AGAP3: variants seen among roughly 807,000 people sequenced by gnomAD.
AGAP3 encodes ArfGAP with GTPase domain, ankyrin repeat and PH domain 3.
A neutral mutation model predicts 96.9 loss-of-function variants in AGAP3; 24 were observed. The ratio of observed to expected loss-of-function variants is 0.25; its 90% confidence interval spans 0.18 to 0.35. The LOEUF is 0.35. Among genes scored for constraint, AGAP3 ranks in the 10% least tolerant of loss-of-function variants. AGAP3 has a pLI of 1.00. For synonymous variants in AGAP3, 563 were observed against 536.1 expected, an observed-to-expected ratio of 1.05 and a Z score of -0.69; for missense variants, 876 against 1,254.2, an observed-to-expected ratio of 0.70 and a Z score of 4.55.
At chr7:151,105,446 A>T (rs1398586431) in intron 1 of AGAP3, among the ~76,000 whole-genome samples, 1 of 152,080 alleles carries the variant, frequency 6.6e-6, no homozygotes, top group Admixed American at 6.6e-5. Flanking sequence ...ACAAATTTGT[A>T]TCTGACTTTT....
At position 151,140,712 on chromosome 7, in the gene AGAP3, T is replaced by C. The variant is rs1800782954; in HGVS notation, c.1804+596T>C. ...TCATAATTTCTCACTTCTGCTCTAA[T>C]CATCAGGGTAGACGTATGGGTCAGG... On this transcript the variant is annotated intron_variant, in intron 13 of 17. Coordinates refer to ENST00000397238, the MANE Select transcript of AGAP3 (RefSeq NM_031946.7). This position sits in a 1 kb window ranked among gnomAD's most constrained non-coding sequence, Gnocchi z 5.4. 1 of 152,220 alleles carries C rather than the reference T, an allele frequency of 6.6e-6. No homozygotes were observed. The highest frequency in any genetic ancestry group is 6.5e-5 in the Admixed American group (1 of 15,286). 9.4% of individuals were successfully genotyped at this position (152,220 alleles called of 1,614,324 possible).
intron 1 of AGAP3, chr7:151,116,457 T>A (rs1799587849): frequency 1.8e-5 from 7 of 379,606 alleles, no homozygotes; most frequent in Non-Finnish European, 3.4e-5. Flanking sequence ...GCCTGGTATT[T>A]GGGCCACAGG....
chr7:151,097,266 C>G (rs1191178726), intron 1 of AGAP3, among the ~76,000 whole-genome samples: 1 of 151,890 alleles, frequency 6.6e-6, no homozygotes, highest in East Asian at 1.9e-4. Context: ...CACTGTGGCT[C>G]ACACCTGTAA....
At chr7:151,095,928 G>T (rs1034820149) in intron 1 of AGAP3, among the ~76,000 whole-genome samples, 1 of 151,958 alleles carries the variant, frequency 6.6e-6, no homozygotes, top group African/African-American at 2.4e-5. Context: ...ATAGAATAGA[G>T]GTTAAGCACC....
At chr7:151,120,855 C>T (rs769450501) in intron 8 of AGAP3, 261 of 1,152,330 alleles carry the variant, frequency 2.3e-4, no homozygotes, top group Non-Finnish European at 2.7e-4. Context: ...GCTCTCAGGC[C>T]CCAGGGCCTG....
At chr7:151,117,258 G>GT (rs1799636306) in intron 3 of AGAP3, 76 bp downstream of exon 3, 1 of 1,585,838 alleles carries the variant, frequency 6.3e-7, no homozygotes, top group Non-Finnish European at 8.6e-7. Context: ...CTGGGTGGGG[G>GT]GTCTCCAGCC....
At chr7:151,138,404 G>A in intron 12 of AGAP3, 91 bp downstream of exon 12, 1 of 1,414,244 alleles carries the variant, frequency 7.1e-7, no homozygotes, top group Non-Finnish European at 9.5e-7. Context: ...TTGGGAGGCT[G>A]CAGTGGGACA....
In AGAP3 at chr7:151,141,669, A is replaced by G; in HGVS notation, c.1805-229A>G. 1.8e-6 allele frequency: 1 copy of G among 566,724 alleles called. No individual in the cohort carries two copies. Among genetic ancestry groups the G allele is most frequent in the Non-Finnish European group, 3.2e-6 (1 of 316,838 alleles). The allele number at this position is 566,724 out of a possible 1,614,324, so 35.1% of individuals were successfully genotyped here. A position where few individuals can be genotyped will look rare whatever the true frequency, so the allele number is the denominator to read the frequency against. ...TGCATCCCCCATCTGTTTTCACTTAAGCTCCACAGGTGGTTAGGAATGAGA... is the reference window on the plus strand; with the variant it reads ...TGCATCCCCCATCTGTTTTCACTTAGGCTCCACAGGTGGTTAGGAATGAGA... On this transcript the variant is annotated intron_variant, in intron 13 of 17. Coordinates refer to ENST00000397238, the MANE Select transcript of AGAP3 (RefSeq NM_031946.7). The surrounding 1 kb of genome is among the most constrained non-coding windows in gnomAD (Gnocchi z 4.2).
chr7:151,127,499 A>G (rs1010139110), intron 9 of AGAP3, among the ~76,000 whole-genome samples: 5 of 151,446 alleles, frequency 3.3e-5, no homozygotes, highest in East Asian at 1.9e-4. Flanking sequence ...CCCCTATGCT[A>G]TTTTTGCCTT....
Position 151,119,975 on chromosome 7 carries a change from C to T in AGAP3, c.970-12C>T, listed in dbSNP as rs1308173568. ...ACCCGGAGCTGCCCTCAGCAGCCCT[C>T]TTTGTCCTTAGGCCACGAATGGCGG... On this transcript the variant is annotated splice_polypyrimidine_tract_variant and intron_variant, in intron 7 of 17. Transcript: ENST00000397238. 4 of 1,613,224 alleles carry T rather than the reference C, an allele frequency of 2.5e-6. No individual in the cohort carries two copies. Among genetic ancestry groups the T allele is most frequent in the Admixed American group, 3.3e-5 (2 of 59,966 alleles).
rs549783725 is a variant in AGAP3, at chr7:151,091,166, T to C, written c.331+4094T>C. ...GGGCACTCCCTGGCCGGGCCCTGCATTCCGCCGTGGGCCCTGCTGCACCAC... is the reference window on the plus strand; with the variant it reads ...GGGCACTCCCTGGCCGGGCCCTGCACTCCGCCGTGGGCCCTGCTGCACCAC... On this transcript the variant is annotated intron_variant, in intron 1 of 17. Transcript: ENST00000397238. 3.3e-5 allele frequency among the ~76,000 whole-genome samples: 5 copies of C among 152,312 alleles called. No homozygotes were observed. The South Asian group carries it at 8.3e-4, about 25-fold the overall frequency.
At chr7:151,131,313 T>C (rs1039864683) in intron 10 of AGAP3, 3 of 152,292 alleles carry the variant, frequency 2.0e-5, no homozygotes, top group Non-Finnish European at 4.4e-5. Context: ...TAGAAACTAA[T>C]TGAATGTGGC....
chr7:151,119,743 C>T (rs574000975), intron 7 of AGAP3, among the ~76,000 whole-genome samples: 1 of 152,202 alleles, frequency 6.6e-6, no homozygotes, highest in Admixed American at 6.5e-5. Flanking sequence ...AGAAGCACTC[C>T]TGCCGGGGCC....
Position 151,142,238 on chromosome 7 carries a change from G to A in AGAP3, c.2035G>A (p.Asp679Asn), listed in dbSNP as rs1430139911. The change falls in exon 15 of 18, where the codon GAC becomes AAC. Residue 679 changes from aspartate (D) to asparagine (N), a missense_variant. Coordinates refer to ENST00000397238, the MANE Select transcript of AGAP3 (RefSeq NM_031946.7). This position sits in a 1 kb window ranked among gnomAD's most constrained non-coding sequence, Gnocchi z 7.5. Reference sequence around the variant, plus strand: ...CGTCCGCGGCAACAGCTTTTGTATCGACTGCGATGCACCCAGTGAGTGCAA... The same window carrying A: ...CGTCCGCGGCAACAGCTTTTGTATCAACTGCGATGCACCCAGTGAGTGCAA... ...RTVRGNSFCIDCDAPNPDWAS... is the reference protein window; with the variant it reads ...RTVRGNSFCINCDAPNPDWAS... The A allele has an allele frequency of 6.2e-7, 1 of 1,613,190 alleles. No individual in the cohort carries two copies. The highest frequency in any genetic ancestry group is 8.5e-7 in the Non-Finnish European group (1 of 1,179,976).
At chr7:151,099,274 C>T (rs1278456347) in intron 1 of AGAP3, among the ~76,000 whole-genome samples, 10 of 148,468 alleles carry the variant, frequency 6.7e-5, no homozygotes, top group East Asian at 4.0e-4. Flanking sequence ...ACCCGGGAGG[C>T]GGAGCTTGCA....
At chr7:151,089,158 TC>T (rs1204779500) in intron 1 of AGAP3, among the ~76,000 whole-genome samples, 4 of 149,710 alleles carry the variant, frequency 2.7e-5, no homozygotes, top group African/African-American at 9.8e-5. Context: ...TAGGCAGTCT[TC>T]AAAAGAAAAA....
At chr7:151,120,502 C>A in intron 8 of AGAP3, 2 of 700,052 alleles carry the variant, frequency 2.9e-6, no homozygotes, top group Non-Finnish European at 4.7e-6. Flanking sequence ...ACTCCCCTGA[C>A]CCCCTTTGAT....
chr7:151,123,912 C>A, intron 9 of AGAP3, 26 bp downstream of exon 9: 1 of 1,596,768 alleles, frequency 6.3e-7, no homozygotes. Flanking sequence ...CCCGTGTGCT[C>A]CAGGGCTCAG....
Position 151,140,139 on chromosome 7 carries a change from C to T in AGAP3, c.1804+23C>T, listed in dbSNP as rs142380813. On this transcript the variant is annotated intron_variant, in intron 13 of 17. Transcript: ENST00000397238. The surrounding 1 kb of genome is among the most constrained non-coding windows in gnomAD (Gnocchi z 5.4). ...AAGGTTAGGGGGACCCAGAGGGAAA[C>T]CGGGCACAGGAGGTGGGCAGTGGGA... The T allele has an allele frequency of 2.8e-4, 438 of 1,557,626 alleles. 2 individuals carry two copies. In the African/African-American group the frequency reaches 5.1e-3, roughly 18 times the overall value.
Sources: gnomAD v4.1 joint callset for allele counts (sites outside exome capture counted in the v4.1 genomes callset) on GRCh38, gnomAD v4.1.1 for gene constraint, Gnocchi (gnomAD v3.1) non-coding constraint, MANE v1.5 for transcripts, NCBI Gene and HGNC (gene_info 2026-07-23, HGNC 2026-07-21) for gene names.